DDX3X: variants seen among roughly 807,000 people sequenced by gnomAD.
DDX3X encodes the protein DEAD-box helicase 3 X-linked.
A neutral mutation model predicts 52.7 loss-of-function variants in DDX3X; 4 were observed. The observed-to-expected ratio is 0.08, with a 90% confidence interval of 0.04 to 0.17. The LOEUF (loss-of-function observed/expected upper bound fraction) is 0.17, where lower values mean the gene tolerates loss of function less well. DDX3X is among the 10% of genes least tolerant of loss of function. The pLI is 1.00. For synonymous variants in DDX3X, 192 were observed against 178.1 expected (o/e 1.08, Z -0.62); for missense variants, 222 against 548.6 (o/e 0.40, Z 5.95).
rs1277123651 is a variant in DDX3X at position 41,349,090 on chromosome X, C to T, written c.*1371C>T. On this transcript the variant is annotated 3_prime_UTR_variant, in exon 17 of 17. Transcript: ENST00000644876. ...GCCAGAATGCGGTGATCAAAACGCT[C>T]CATCTTTTTACAGTGGCATAGGAAG... 8.9e-6 allele frequency: 1 copy of T among 112,040 alleles called. No homozygotes were observed. Among genetic ancestry groups the T allele is most frequent in the Non-Finnish European group, 1.9e-5 (1 of 53,195 alleles). 9.2% of individuals were successfully genotyped at this position (112,040 alleles called of 1,213,427 possible).
downstream of DDX3X, chrX:41,350,311 A>G (rs1298571719): frequency 8.9e-6 from 1 of 112,374 alleles, no homozygotes; most frequent in Non-Finnish European, 1.9e-5. Flanking sequence ...ATCCAGTGCT[A>G]TTTTTTGAGA....
chrX:41,337,168 A>G (rs905146656), intron 1 of DDX3X, among the ~76,000 whole-genome samples: 1 of 112,191 alleles, frequency 8.9e-6, no homozygotes, highest in Admixed American at 9.5e-5. Context: ...ACTGAACAGC[A>G]CAAGCATCTT....
chrX:41,347,484 A>C (rs1272158161), intron 16 of DDX3X, 33 bp downstream of exon 16: 1 of 1,197,595 alleles, frequency 8.4e-7, no homozygotes, highest in Admixed American at 2.4e-5. Flanking sequence ...TAGCTTTGGG[A>C]AGGGTTTTTT....
rs184214486 is a variant in DDX3X at position 41,361,286 on chromosome X, G to T, written c.655-2988G>T. Reference sequence around the variant, plus strand: ...CCAGCACTTTGAGAGGCCAAGGCGGGTGGGTCATGAGGTCAGGAGATCAAG... The same window carrying T: ...CCAGCACTTTGAGAGGCCAAGGCGGTTGGGTCATGAGGTCAGGAGATCAAG... On this transcript the variant is annotated intron_variant, in intron 5 of 5. Transcript: ENST00000616050. Among the ~76,000 whole-genome samples, 10 of 109,787 alleles carry T rather than the reference G, an allele frequency of 9.1e-5. No homozygotes were observed. The East Asian group carries it at 2.6e-3, about 29-fold the overall frequency.
chrX:41,346,442 T>G (rs780865719), intron 13 of DDX3X, 32 bp downstream of exon 13: 15 of 1,196,795 alleles, frequency 1.3e-5, no homozygotes, highest in Admixed American at 2.3e-5. Flanking sequence ...TTATTCAAAT[T>G]GAGCATGTTC....
At chrX:41,355,645 CTT>C (rs36111286) in intron 5 of DDX3X, among the ~76,000 whole-genome samples, 2 of 85,802 alleles carry the variant, frequency 2.3e-5, no homozygotes, top group Non-Finnish European at 4.5e-5. Context: ...TTTTCTTTTT[CTT>C]TTTTTTTTTT....
rs181503639 is a variant in DDX3X at position 41,349,988 on chromosome X, G to A, written c.*2269G>A. ...GTTGTATTGGCATAATCAGTGACTT[G>A]TACATTCAGCAATAGCATTTGAGCA... On this transcript the variant is annotated 3_prime_UTR_variant, in exon 17 of 17. Coordinates refer to ENST00000644876, the MANE Select transcript of DDX3X (RefSeq NM_001356.5). 3.9e-3 allele frequency: 420 copies of A among 107,835 alleles called. 1 individual carries two copies. Among genetic ancestry groups the A allele is most frequent in the Middle Eastern group, 9.3e-3 (2 of 215 alleles). The allele number at this position is 107,835 out of a possible 1,213,427, so 8.9% of individuals were successfully genotyped here.
chrX:41,356,014 G>A (rs897867222), intron 5 of DDX3X, among the ~76,000 whole-genome samples: 5 of 110,804 alleles, frequency 4.5e-5, no homozygotes, highest in Non-Finnish European at 7.5e-5. Context: ...AAGTCTTTTT[G>A]ACAGCTTGCA....
chrX:41,359,005 C>T (rs764113550), intron 5 of DDX3X, among the ~76,000 whole-genome samples: 1 of 112,130 alleles, frequency 8.9e-6, no homozygotes, highest in Admixed American at 9.5e-5. Flanking sequence ...AGACACCCAC[C>T]TTGGCCTTCC....
At chrX:41,350,952 T>C (rs1162747612), downstream of DDX3X, 1 of 111,938 alleles carries the variant, frequency 8.9e-6, no homozygotes, top group Non-Finnish European at 1.9e-5. Context: ...TTTTTTGCAT[T>C]GTAAGGAAGT....
At chrX:41,351,129 T>G (rs2063982507), downstream of DDX3X, 1 of 111,637 alleles carries the variant, frequency 9.0e-6, no homozygotes, top group African/African-American at 3.3e-5. Context: ...CTAGATTGGA[T>G]AGTCAATGGC....
chrX:41,342,867 C>G lies in DDX3X; in HGVS notation c.543+31C>G. ...TATTTTTGCTTGACTTTTTAAGACA[C>G]AGAGAGGTTAAATGTTTTCATGTTA... On this transcript the variant is annotated intron_variant, in intron 6 of 16. Transcript: ENST00000644876. 4 of 1,094,516 alleles carry G rather than the reference C, an allele frequency of 3.7e-6. No individual in the cohort carries two copies. The South Asian group carries it at 7.4e-5, about 20-fold the overall frequency. The allele number at this position is 1,094,516 out of a possible 1,213,427, so 90.2% of individuals were successfully genotyped here.
chrX:41,363,251 C>T (rs1278071014), intron 5 of DDX3X, among the ~76,000 whole-genome samples: 3 of 110,133 alleles, frequency 2.7e-5, no homozygotes, highest in Non-Finnish European at 5.7e-5. Flanking sequence ...ATGGTGAAAC[C>T]TTGTCTCTAC....
intron 3 of DDX3X, chrX:41,339,973 G>A (rs1402999634): frequency 1.0e-5 from 1 of 96,700 alleles, no homozygotes; most frequent in African/African-American, 4.0e-5. Flanking sequence ...GAGTGCAGTA[G>A]CGCGGGCTCA....
intron 15 of DDX3X, 124 bp downstream of exon 15, chrX:41,347,136 T>A: frequency 1.1e-6 from 1 of 936,816 alleles, no homozygotes; most frequent in Non-Finnish European, 1.5e-6. Context: ...CATCTTAGGC[T>A]TCCTAGATTC....
chrX:41,351,762 T>G (rs1392161228), downstream of DDX3X: 1 of 111,711 alleles, frequency 9.0e-6, no homozygotes, highest in Non-Finnish European at 1.9e-5. Flanking sequence ...CTATAATGAC[T>G]ACTCTTCAAT....
At chrX:41,345,151 C>G (rs766333513) in intron 10 of DDX3X, 29 bp from the exon 11 acceptor site, 4 of 1,198,357 alleles carry the variant, frequency 3.3e-6, no homozygotes, top group Non-Finnish European at 3.4e-6. Flanking sequence ...ATTCTAAACT[C>G]AGGCTTGTTT....
At position 41,344,433 on chromosome X, in the gene DDX3X, G is replaced by C. The variant is rs769746384; in HGVS notation, c.1025+34G>C. ...TATTTTGTTTTTGTTTTTTTGTTTT[G>C]TTTTGTTTTGTTCTTTTGTTTTTGG... On this transcript the variant is annotated intron_variant, in intron 10 of 16. Coordinates refer to ENST00000644876, the MANE Select transcript of DDX3X (RefSeq NM_001356.5). 27 of 1,199,469 alleles carry C rather than the reference G, an allele frequency of 2.3e-5. No homozygotes were observed. Among genetic ancestry groups the C allele is most frequent in the Non-Finnish European group, 4.5e-6 (4 of 886,329 alleles).
chrX:41,345,804 C>CTAGACTTAGACA (rs1372868600), intron 12 of DDX3X: 4 of 308,402 alleles, frequency 1.3e-5, no homozygotes, highest in African/African-American at 8.2e-5. Context: ...CCCAGAACTC[C>CTAGACTTAGACA]TAGACTTAGA....
Sources: allele counts gnomAD v4.1 joint callset (sites outside exome capture counted in the v4.1 genomes callset), GRCh38; gene constraint gnomAD v4.1.1; transcripts MANE v1.5; gene names NCBI Gene and HGNC (gene_info 2026-07-23, HGNC 2026-07-21).